FSTL5: variants seen among roughly 807,000 people sequenced by gnomAD.
The protein encoded by FSTL5 is follistatin like 5, also known as follistatin-related protein 5.
In FSTL5, 62 loss-of-function variants were observed where a neutral mutation model predicts 89.1. That is an observed-to-expected ratio of 0.70 (90% CI 0.57 to 0.86). The LOEUF is 0.86. FSTL5 is among the 40% of genes least tolerant of loss of function. The pLI is 0.00. For synonymous variants in FSTL5, 383 were observed against 346.2 expected (o/e 1.11, Z -1.18); for missense variants, 1,057 against 1,001.6 (o/e 1.06, Z -0.75).
chr4:161,980,498 GTC>G (rs1255456151), intron 3 of FSTL5, among the ~76,000 whole-genome samples: 1 of 150,890 alleles, frequency 6.6e-6, no homozygotes, highest in Non-Finnish European at 1.5e-5. Context: ...CTTCCTAGTT[GTC>G]TCTCTTTCCT....
At chr4:161,423,681 A>C (rs1343442719) in intron 15 of FSTL5, among the ~76,000 whole-genome samples, 2 of 152,064 alleles carry the variant, frequency 1.3e-5, no homozygotes, top group East Asian at 3.9e-4. Flanking sequence ...TGTGCATTTC[A>C]TCATTGAGAT....
intron 3 of FSTL5, among the ~76,000 whole-genome samples, chr4:161,993,256 G>T (rs1170469840): frequency 1.3e-5 from 2 of 151,716 alleles, no homozygotes; most frequent in Non-Finnish European, 2.9e-5. Context: ...CATAGATCAT[G>T]CTCCATTTTA....
At chr4:162,009,739 C>T (rs553793194) in intron 3 of FSTL5, among the ~76,000 whole-genome samples, 1 of 152,120 alleles carries the variant, frequency 6.6e-6, no homozygotes, top group East Asian at 1.9e-4. Context: ...TTCATTCCTA[C>T]ATTATTCTAT....
chr4:161,896,246 T>C (rs1010526053), intron 4 of FSTL5, among the ~76,000 whole-genome samples: 7 of 152,228 alleles, frequency 4.6e-5, no homozygotes, highest in African/African-American at 1.7e-4. Context: ...TTAAAAATGA[T>C]AGATTGCATG....
intron 3 of FSTL5, among the ~76,000 whole-genome samples, chr4:161,951,614 A>C (rs1734897801): frequency 6.6e-6 from 1 of 152,084 alleles, no homozygotes; most frequent in South Asian, 2.1e-4. Flanking sequence ...CTAATCCTGA[A>C]CTAAAGAGAT....
chr4:161,956,731 C>G (rs1383723443), intron 3 of FSTL5, among the ~76,000 whole-genome samples: 1 of 151,910 alleles, frequency 6.6e-6, no homozygotes, highest in East Asian at 1.9e-4. Context: ...AGCTGAAACT[C>G]TCTATTAAAA....
rs181649676 is a variant in FSTL5, at chr4:161,713,968, T to C, written c.727+45443A>G. On this transcript the variant is annotated intron_variant, in intron 6 of 15. Transcript: ENST00000306100. ...ACTTTCAATTAGTATTCTTTACCCA[T>C]AACTGTGTGAAACCTGTGCTTCCAC... Among the ~76,000 whole-genome samples, 360 of 152,300 alleles carry C rather than the reference T, an allele frequency of 2.4e-3. 4 individuals are homozygous for C. The highest frequency in any genetic ancestry group is 9.3e-3 in the South Asian group (45 of 4,830).
chr4:161,635,718 T>A (rs989240716), intron 7 of FSTL5, among the ~76,000 whole-genome samples: 1 of 152,144 alleles, frequency 6.6e-6, no homozygotes, highest in African/African-American at 2.4e-5. Context: ...ATTCATTACG[T>A]CTAGACAAAA....
intron 2 of FSTL5, among the ~76,000 whole-genome samples, chr4:162,057,346 CG>C (rs1387367374): frequency 1.3e-5 from 2 of 152,094 alleles, no homozygotes; most frequent in Non-Finnish European, 2.9e-5. Context: ...GCCATTACAA[CG>C]TTGAAATGAA....
intron 4 of FSTL5, among the ~76,000 whole-genome samples, chr4:161,820,823 T>G (rs17596748): frequency 0.13 from 19,213 of 151,994 alleles, 1,329 homozygotes; most frequent in Middle Eastern, 0.17. Flanking sequence ...ATATGAGCAT[T>G]AAAAAGATGT....
chr4:161,917,608 A>C (rs1339792116), intron 4 of FSTL5, among the ~76,000 whole-genome samples: 2 of 152,120 alleles, frequency 1.3e-5, no homozygotes, highest in Non-Finnish European at 2.9e-5. Context: ...AGTTCTACTT[A>C]ATTTTGCCAC....
intron 6 of FSTL5, among the ~76,000 whole-genome samples, chr4:161,672,093 T>G (rs1373788478): frequency 6.6e-6 from 1 of 152,110 alleles, no homozygotes; most frequent in Non-Finnish European, 1.5e-5. Context: ...AGAAATGCTT[T>G]TGAGAAGGAA....
chr4:161,921,513 A>G (rs1733994357), intron 3 of FSTL5, among the ~76,000 whole-genome samples: 1 of 152,154 alleles, frequency 6.6e-6, no homozygotes, highest in Non-Finnish European at 1.5e-5. Context: ...ATAGATACAC[A>G]TAGATATGTA....
At chr4:162,055,036 T>C in intron 2 of FSTL5, among the ~76,000 whole-genome samples, 1 of 151,950 alleles carries the variant, frequency 6.6e-6, no homozygotes, top group East Asian at 1.9e-4. Flanking sequence ...TAACTAGTTA[T>C]TGTTTTTGTG....
At chr4:161,929,788 C>T (rs1260675505) in intron 3 of FSTL5, among the ~76,000 whole-genome samples, 1 of 151,290 alleles carries the variant, frequency 6.6e-6, no homozygotes, top group African/African-American at 2.4e-5. Flanking sequence ...TGTCACCATT[C>T]TGATTAAAGC....
intron 6 of FSTL5, among the ~76,000 whole-genome samples, chr4:161,674,516 G>T (rs760641972): frequency 1.3e-5 from 2 of 151,934 alleles, no homozygotes; most frequent in Non-Finnish European, 2.9e-5. Context: ...ATCCCTTCTT[G>T]GCAGAAAGAA....
At chr4:161,933,395 C>T (rs1381481447) in intron 3 of FSTL5, among the ~76,000 whole-genome samples, 1 of 151,998 alleles carries the variant, frequency 6.6e-6, no homozygotes, top group Non-Finnish European at 1.5e-5. Context: ...ATCACCTAAG[C>T]ACTGAAAAAG....
At chr4:161,898,973 G>C (rs540127956) in intron 4 of FSTL5, among the ~76,000 whole-genome samples, 2 of 152,170 alleles carry the variant, frequency 1.3e-5, no homozygotes, top group South Asian at 4.1e-4. Flanking sequence ...TCACTCCTCT[G>C]TCTCCATCTC....
At chr4:161,723,886 A>C (rs2126754383) in intron 6 of FSTL5, among the ~76,000 whole-genome samples, 1 of 152,318 alleles carries the variant, frequency 6.6e-6, no homozygotes, top group East Asian at 1.9e-4. Context: ...TTTGAAAATA[A>C]TTCTACACAC....
Sources: gnomAD v4.1 joint callset for allele counts (sites outside exome capture counted in the v4.1 genomes callset) on GRCh38, gnomAD v4.1.1 for gene constraint, MANE v1.5 for transcripts, NCBI Gene and HGNC (gene_info 2026-07-23, HGNC 2026-07-21) for gene names.